Variants in PPP1R1C observed in about 807,000 individuals in gnomAD.
PPP1R1C encodes the protein protein phosphatase 1 regulatory inhibitor subunit 1C, also known as protein phosphatase 1 regulatory subunit 1C.
PPP1R1C carries 15 observed loss-of-function variants against 17.4 expected under a neutral mutation model. That is an observed-to-expected ratio of 0.86 (90% CI 0.58 to 1.33). The LOEUF is 1.33. Among genes scored for constraint, PPP1R1C ranks in the 40% most tolerant of loss-of-function variants. The pLI is 0.00. For synonymous variants in PPP1R1C, 35 were observed against 43.1 expected (o/e 0.81, Z 0.73); for missense variants, 143 against 130.0 (o/e 1.10, Z -0.48).
intron 2 of PPP1R1C, among the ~76,000 whole-genome samples, chr2:182,007,266 A>G (rs1685950121): frequency 6.6e-6 from 1 of 152,188 alleles, no homozygotes; most frequent in South Asian, 2.1e-4. Context: ...ATACACTAAC[A>G]TACCACATAA....
chr2:181,969,755 G>T (rs1248208362), intron 1 of PPP1R1C, among the ~76,000 whole-genome samples: 1 of 152,038 alleles, frequency 6.6e-6, no homozygotes, highest in Non-Finnish European at 1.5e-5. Context: ...TACTATTTGA[G>T]GCTATTTTGT....
chr2:181,993,529 A>G (rs949519208), intron 2 of PPP1R1C, among the ~76,000 whole-genome samples: 1 of 152,192 alleles, frequency 6.6e-6, no homozygotes, highest in Non-Finnish European at 1.5e-5. Flanking sequence ...ATTCATTTGA[A>G]TCCACAATCT....
chr2:182,115,639 C>G (rs139569508), intron 4 of PPP1R1C, among the ~76,000 whole-genome samples: 1 of 152,192 alleles, frequency 6.6e-6, no homozygotes, highest in Non-Finnish European at 1.5e-5. Flanking sequence ...AATTCCATGT[C>G]TTAGCAACAA....
At chr2:182,011,802 G>C (rs1686094804) in intron 2 of PPP1R1C, among the ~76,000 whole-genome samples, 1 of 151,858 alleles carries the variant, frequency 6.6e-6, no homozygotes, top group Non-Finnish European at 1.5e-5. Flanking sequence ...ACAGGTTTTG[G>C]TATGTTGTGT....
At chr2:182,011,289 C>A (rs1455493660) in intron 2 of PPP1R1C, among the ~76,000 whole-genome samples, 2 of 152,024 alleles carry the variant, frequency 1.3e-5, no homozygotes, top group Admixed American at 1.3e-4. Context: ...GCTTCAATCT[C>A]ATTACCTGCT....
intron 4 of PPP1R1C, among the ~76,000 whole-genome samples, chr2:182,106,529 C>T (rs1410739366): frequency 6.6e-6 from 1 of 152,176 alleles, no homozygotes; most frequent in Non-Finnish European, 1.5e-5. Context: ...CCCACTCCAT[C>T]CCACTTCTGG....
At chr2:182,081,517 T>C (rs1228227183) in intron 4 of PPP1R1C, among the ~76,000 whole-genome samples, 1 of 152,144 alleles carries the variant, frequency 6.6e-6, no homozygotes, top group African/African-American at 2.4e-5. Flanking sequence ...TTAATCAACA[T>C]ATATTCAGCA....
Position 182,035,661 on chromosome 2 carries a change from G to A in PPP1R1C, c.143-25781G>A, listed in dbSNP as rs772465853. On this transcript the variant is annotated intron_variant, in intron 2 of 4. Transcript: ENST00000682840. ...GAAAGTGTGTAGCACCTCCCCCTTC[G>A]CTCTCTCTCTCTCATGCTGGCCAAG... 2.1e-4 allele frequency among the ~76,000 whole-genome samples: 32 copies of A among 151,456 alleles called. 2 individuals are homozygous for A. Among genetic ancestry groups the A allele is most frequent in the South Asian group, 1.5e-3 (7 of 4,756 alleles).
At chr2:181,982,626 G>C (rs1034904026), upstream of PPP1R1C, among the ~76,000 whole-genome samples, 1 of 152,136 alleles carries the variant, frequency 6.6e-6, no homozygotes, top group Non-Finnish European at 1.5e-5. Context: ...TTTCTAAGGA[G>C]GTGGAATTAG....
chr2:181,993,938 G>A (rs1262149342), intron 2 of PPP1R1C, among the ~76,000 whole-genome samples: 1 of 151,898 alleles, frequency 6.6e-6, no homozygotes, highest in African/African-American at 2.4e-5. Flanking sequence ...CTTATTCAAA[G>A]ATGGCCCAGC....
intron 4 of PPP1R1C, among the ~76,000 whole-genome samples, chr2:182,077,032 T>A (rs1202237552): frequency 2.6e-5 from 4 of 152,196 alleles, no homozygotes; most frequent in African/African-American, 9.6e-5. Context: ...TTTTTACAGT[T>A]ACTTGGGCAT....
chr2:182,038,899 T>C (rs935192084), intron 2 of PPP1R1C, among the ~76,000 whole-genome samples: 15 of 152,166 alleles, frequency 9.9e-5, no homozygotes, highest in Non-Finnish European at 1.6e-4. Context: ...GAATAGAAAA[T>C]AATTTTCTAA....
At chr2:181,970,224 G>T (rs1319133944) in intron 1 of PPP1R1C, among the ~76,000 whole-genome samples, 2 of 151,866 alleles carry the variant, frequency 1.3e-5, no homozygotes, top group African/African-American at 4.8e-5. Context: ...GAAGGATTAG[G>T]TATTTATTAT....
intron 4 of PPP1R1C, among the ~76,000 whole-genome samples, chr2:182,097,900 C>A (rs1335687064): frequency 6.6e-6 from 1 of 152,140 alleles, no homozygotes; most frequent in Non-Finnish European, 1.5e-5. Flanking sequence ...CCAAGGCAAA[C>A]TCTTCTAAAA....
intron 1 of PPP1R1C, among the ~76,000 whole-genome samples, chr2:181,969,263 A>G (rs1037821454): frequency 5.9e-5 from 9 of 152,182 alleles, no homozygotes; most frequent in African/African-American, 2.2e-4. Flanking sequence ...AACTCCCTTT[A>G]GCATTTCTTG....
chr2:182,019,573 A>G (rs1439612264), intron 2 of PPP1R1C, among the ~76,000 whole-genome samples: 2 of 152,202 alleles, frequency 1.3e-5, no homozygotes, highest in African/African-American at 2.4e-5. Context: ...GGGCAGGTTT[A>G]TTACAGAGAA....
chr2:182,057,258 C>T lies in PPP1R1C; in HGVS notation c.143-4184C>T, dbSNP rs114187238. 5.6e-3 allele frequency among the ~76,000 whole-genome samples: 855 copies of T among 152,174 alleles called. 3 individuals are homozygous for T. Among genetic ancestry groups the T allele is most frequent in the Middle Eastern group, 0.014 (4 of 294 alleles). ...CTGGGGAGATAAAAACACTAATGGA[C>T]ATGATATAGGGAATATGGTGATAAG... On this transcript the variant is annotated intron_variant, in intron 2 of 4. Coordinates refer to ENST00000682840, the MANE Select transcript of PPP1R1C (RefSeq NM_001080545.3).
At chr2:181,989,824 C>G (rs1215511735) in intron 2 of PPP1R1C, among the ~76,000 whole-genome samples, 4 of 152,106 alleles carry the variant, frequency 2.6e-5, no homozygotes, top group African/African-American at 9.7e-5. Flanking sequence ...TCTTCCTCCC[C>G]CTTTATGGAA....
upstream of PPP1R1C, among the ~76,000 whole-genome samples, chr2:181,983,673 A>G (rs1416913944): frequency 6.6e-6 from 1 of 152,220 alleles, no homozygotes; most frequent in East Asian, 1.9e-4. Flanking sequence ...GGAGTAGACT[A>G]TAGTATCTAC....
Sources: allele counts gnomAD v4.1 joint callset (sites outside exome capture counted in the v4.1 genomes callset), GRCh38; gene constraint gnomAD v4.1.1; transcripts MANE v1.5; gene names NCBI Gene and HGNC (gene_info 2026-07-23, HGNC 2026-07-21).